Variants in VARS2 observed in about 807,000 individuals in gnomAD.
VARS2 encodes the protein valine--tRNA ligase, mitochondrial.
VARS2 carries 105 observed loss-of-function variants against 154.1 expected under a neutral mutation model. The observed-to-expected ratio is 0.68, with a 90% CI of 0.58 to 0.80. VARS2 has a LOEUF of 0.80. Among genes scored for constraint, VARS2 ranks in the 30% least tolerant of loss-of-function variants. The pLI, the probability that VARS2 is intolerant of heterozygous loss-of-function variation, is 0.00. For synonymous variants in VARS2, 483 were observed against 539.5 expected (o/e 0.90, Z 1.45); for missense variants, 1,157 against 1,361.4 (o/e 0.85, Z 2.36).
Position 30,919,670 on chromosome 6 carries a change from C to CT in VARS2, c.1075-86dup. On this transcript the variant is annotated intron_variant, in intron 11 of 29. Coordinates refer to ENST00000676266, the MANE Select transcript of VARS2 (RefSeq NM_020442.6). The surrounding 1 kb of genome is among the most constrained non-coding windows in gnomAD (Gnocchi z 4.5). ...TAGCTTGCTACCTTCCACTTTCTAC[C>CT]TTCTTATTCCTGGGGTTCTCACGCC... 9.5e-7 allele frequency: 1 copy of CT among 1,052,368 alleles called. No individual in the cohort carries two copies. Among genetic ancestry groups the CT allele is most frequent in the Non-Finnish European group, 1.3e-6 (1 of 765,230 alleles). The allele number at this position is 1,052,368 out of a possible 1,614,324, so 65.2% of individuals were successfully genotyped here.
Position 30,925,557 on chromosome 6 carries a change from C to T in VARS2, c.2799C>T (p.Ser933=). ...TKARPRVLLQ[S]SEPGDQGLFE... is the part of the protein sequence containing the mutation. The stretch of plus-strand genomic sequence containing the variant: ...CTTTCTTTCCAGTGCTGCTGCAGAG[C>T]TCAGAGCCTGGGGACCAGGGCCTCT... Residue 933 remains serine (S), a synonymous_variant, in exon 28 of 30, where the codon AGC becomes AGT. Transcript: ENST00000676266. 6.3e-7 allele frequency: 1 copy of T among 1,594,136 alleles called. No homozygotes were observed. Among genetic ancestry groups the T allele is most frequent in the Non-Finnish European group, 8.5e-7 (1 of 1,173,262 alleles).
chr6:30,921,998 G>A lies in VARS2; in HGVS notation c.1806+3G>A. The A allele has an allele frequency of 6.2e-7, 1 of 1,612,950 alleles. No homozygotes were observed. The highest frequency in any genetic ancestry group is 1.6e-4 in the Middle Eastern group (1 of 6,062). On this transcript the variant is annotated splice_donor_region_variant and intron_variant, in intron 19 of 29. Coordinates refer to ENST00000676266, the MANE Select transcript of VARS2 (RefSeq NM_020442.6). This position sits in a 1 kb window ranked among gnomAD's most constrained non-coding sequence, Gnocchi z 4.6. ...CTGCCCTGGGCTGGCCCCAAGAGGTGAGGTGGGTTGAGAGGGCGAAAGTGA... is the reference window on the plus strand; with the variant it reads ...CTGCCCTGGGCTGGCCCCAAGAGGTAAGGTGGGTTGAGAGGGCGAAAGTGA...
chr6:30,917,307 G>A lies in VARS2; in HGVS notation c.873+83G>A. ...TTAAGAGCTCAGACTCTGGAGCCAG[G>A]GTGCCTGGATTCAAATCTGATGCCT... On this transcript the variant is annotated intron_variant, in intron 9 of 29. Transcript: ENST00000676266. The surrounding 1 kb of genome is among the most constrained non-coding windows in gnomAD (Gnocchi z 4.4). 1 of 1,605,096 alleles carries A rather than the reference G, an allele frequency of 6.2e-7. No individual in the cohort carries two copies. Among genetic ancestry groups the A allele is most frequent in the Admixed American group, 1.7e-5 (1 of 59,936 alleles).
At chr6:30,923,771 G>A (rs374584909) in intron 25 of VARS2, 2 of 531,826 alleles carry the variant, frequency 3.8e-6, no homozygotes, top group Admixed American at 3.4e-5. Flanking sequence ...AGAAGGCAGA[G>A]GGGAATTTTT....
rs1208344221 is a variant in VARS2, at chr6:30,920,748, A to G, written c.1478A>G (p.Lys493Arg). The change falls in exon 15 of 30, where the codon AAG (lysine) becomes AGG (arginine). Residue 493 changes from lysine to arginine, a missense_variant and splice_region_variant. Transcript: ENST00000676266. This position sits in a 1 kb window ranked among gnomAD's most constrained non-coding sequence, Gnocchi z 4.6. ...CAGGAAATGGGGGCCCGAGCTGCCA[A>G]GGTGAGGCTGCAGTGTAGGAAGGAC... ...RCQEMGARAA[K>R]AVESGALELS... 7 of 1,589,566 alleles carry G rather than the reference A, an allele frequency of 4.4e-6. No homozygotes were observed. The highest frequency in any genetic ancestry group is 1.1e-5 in the South Asian group (1 of 87,082).
chr6:30,922,639 G>A, intron 21 of VARS2, 67 bp from the exon 22 acceptor site: 1 of 1,574,308 alleles, frequency 6.4e-7, no homozygotes, highest in Non-Finnish European at 8.6e-7. Context: ...AGTGAGGCCA[G>A]CAGGTGTGAC....
chr6:30,918,320 C>A (rs142282930), intron 10 of VARS2, among the ~76,000 whole-genome samples: 2,982 of 152,342 alleles, frequency 0.02, 28 homozygotes, highest in African/African-American at 0.032. Context: ...CCCGCCTTGG[C>A]CTCCCAAAGT....
At chr6:30,914,397 G>T in intron 1 of VARS2, 53 bp downstream of exon 1, 1 of 1,258,716 alleles carries the variant, frequency 7.9e-7, no homozygotes, top group Non-Finnish European at 1.0e-6. Flanking sequence ...GCGGGTCCTG[G>T]GCCCAGGCCT....
rs9281078 is a variant in VARS2 at position 30,920,003 on chromosome 6, C to CTGGGGCGGTGCAGGTGA, written c.1166-83_1166-67dup. On this transcript the variant is annotated intron_variant, in intron 12 of 29. Coordinates refer to ENST00000676266, the MANE Select transcript of VARS2 (RefSeq NM_020442.6). This position sits in a 1 kb window ranked among gnomAD's most constrained non-coding sequence, Gnocchi z 4.6. The stretch of plus-strand genomic sequence containing the variant: ...GCACAGACAGAGAAAGTCGCAGGGG[C>CTGGGGCGGTGCAGGTGA]TGGGGCGGTGCAGGTGATGATGATA... 775,411 of 1,452,154 alleles carry CTGGGGCGGTGCAGGTGA rather than the reference C, an allele frequency of 0.53. 214,410 individuals carry two copies. Among genetic ancestry groups the CTGGGGCGGTGCAGGTGA allele is most frequent in the East Asian group, 0.81 (33,410 of 41,468 alleles). The allele number at this position is 1,452,154 out of a possible 1,614,324, so 90.0% of individuals were successfully genotyped here. A position where few individuals can be genotyped will look rare whatever the true frequency, so the allele number is the denominator to read the frequency against.
At position 30,922,339 on chromosome 6, in the gene VARS2, T is replaced by C. The variant is rs576918400; in HGVS notation, c.1932+98T>C. 4.8e-5 allele frequency: 76 copies of C among 1,595,828 alleles called. No individual in the cohort carries two copies. The African/African-American group carries it at 1.0e-3, about 21-fold the overall frequency. ...CCTAATGTGGTCCTTTCCACGTTGC[T>C]GATTCCTTTTTCCTAATTCACTTCC... On this transcript the variant is annotated intron_variant, in intron 20 of 29. Coordinates refer to ENST00000676266, the MANE Select transcript of VARS2 (RefSeq NM_020442.6).
rs1224347908 is a variant in VARS2 at position 30,919,632 on chromosome 6, G to T, written c.1075-126G>T. On this transcript the variant is annotated intron_variant, in intron 11 of 29. Transcript: ENST00000676266. The surrounding 1 kb of genome is among the most constrained non-coding windows in gnomAD (Gnocchi z 4.5). ...CTACATTCTGGCCCCTTAAGAGTTT[G>T]CTGACCTTGCTCTAGCTTGCTACCT... 6.0e-6 allele frequency: 4 copies of T among 665,988 alleles called. No individual in the cohort carries two copies. The East Asian group carries it at 1.2e-4, about 19-fold the overall frequency. 41.3% of individuals were successfully genotyped at this position (665,988 alleles called of 1,614,324 possible).
intron 4 of VARS2, 39 bp from the exon 5 acceptor site, chr6:30,915,707 A>G (rs1257293704): frequency 6.2e-7 from 1 of 1,608,750 alleles, no homozygotes; most frequent in Non-Finnish European, 8.5e-7. Flanking sequence ...TCCCCAATCC[A>G]ATTCTCTCTT....
At position 30,923,393 on chromosome 6, in the gene VARS2, G is replaced by A. The variant is rs779735316; in HGVS notation, c.2354G>A (p.Arg785His). Reference protein sequence around the residue: ...SSPMDAWILSRLALAAQECER... With the variant: ...SSPMDAWILSHLALAAQECER... Reference sequence around the variant, plus strand: ...CCGATGGATGCCTGGATCCTGAGCCGCCTTGCCCTGGCTGCCCAGGAGTGT... The same window carrying A: ...CCGATGGATGCCTGGATCCTGAGCCACCTTGCCCTGGCTGCCCAGGAGTGT... The change falls in exon 25 of 30, where the codon CGC (arginine) becomes CAC (histidine). Residue 785 changes from arginine to histidine, a missense_variant. Transcript: ENST00000676266. The A allele has an allele frequency of 1.2e-5, 20 of 1,611,984 alleles. No homozygotes were observed. Among genetic ancestry groups the A allele is most frequent in the East Asian group, 4.5e-5 (2 of 44,884 alleles).
Position 30,916,474 on chromosome 6 carries a change from G to GTGTGTT in VARS2, c.671+228_671+229insGTTTGT, listed in dbSNP as rs1794181176. ...TATTCGTGTGTGTGTGTGTGTGTGT[G>GTGTGTT]TGTATTTATATATATATATATATTT... On this transcript the variant is annotated intron_variant, in intron 7 of 29. Transcript: ENST00000676266. The surrounding 1 kb of genome is among the most constrained non-coding windows in gnomAD (Gnocchi z 4.0). The GTGTGTT allele has an allele frequency of 2.8e-6, 1 of 360,994 alleles. No homozygotes were observed. The highest frequency in any genetic ancestry group is 1.1e-4 in the South Asian group (1 of 9,306). 22.4% of individuals were successfully genotyped at this position (360,994 alleles called of 1,614,324 possible).
In VARS2 at chr6:30,919,454, G is replaced by C. The variant is rs948378607; in HGVS notation, c.1075-304G>C. 6 of 270,874 alleles carry C rather than the reference G, an allele frequency of 2.2e-5. No homozygotes were observed. Among genetic ancestry groups the C allele is most frequent in the Admixed American group, 5.0e-5 (1 of 20,160 alleles). The allele number at this position is 270,874 out of a possible 1,614,324, so 16.8% of individuals were successfully genotyped here. On this transcript the variant is annotated intron_variant, in intron 11 of 29. Transcript: ENST00000676266. This position sits in a 1 kb window ranked among gnomAD's most constrained non-coding sequence, Gnocchi z 4.5. ...CCCACCTCGGCCTCCCAAAGTGCTGGGATTACAGGCGTGAGCCGCCGCGCC... is the reference window on the plus strand; with the variant it reads ...CCCACCTCGGCCTCCCAAAGTGCTGCGATTACAGGCGTGAGCCGCCGCGCC...
At chr6:30,925,435 G>A in intron 27 of VARS2, 50 bp downstream of exon 27, 1 of 1,581,424 alleles carries the variant, frequency 6.3e-7, no homozygotes, top group African/African-American at 1.3e-5. Flanking sequence ...AAAGGGGGCT[G>A]GTGGGGAAAA....
At chr6:30,918,798 G>C in intron 10 of VARS2, 29 bp from the exon 11 acceptor site, 8 of 1,603,596 alleles carry the variant, frequency 5.0e-6, no homozygotes, top group Non-Finnish European at 6.8e-6. Flanking sequence ...ATGATGACCA[G>C]CTGTAAGTGT....
In VARS2 at chr6:30,919,865, G is replaced by A. The variant is rs1185401669; in HGVS notation, c.1165+17G>A. The A allele has an allele frequency of 6.5e-7, 1 of 1,544,452 alleles. No homozygotes were observed. Among genetic ancestry groups the A allele is most frequent in the Admixed American group, 2.0e-5 (1 of 50,046 alleles). On this transcript the variant is annotated intron_variant, in intron 12 of 29. Coordinates refer to ENST00000676266, the MANE Select transcript of VARS2 (RefSeq NM_020442.6). This position sits in a 1 kb window ranked among gnomAD's most constrained non-coding sequence, Gnocchi z 4.5. ...TGGGCACGGGTGAGTGGAAGTCAGGGGAGGGAGAGAAAGTTGGGGGTCCTG... is the reference window on the plus strand; with the variant it reads ...TGGGCACGGGTGAGTGGAAGTCAGGAGAGGGAGAGAAAGTTGGGGGTCCTG...
rs546690497 is a variant in VARS2 at position 30,922,446 on chromosome 6, C to T, written c.1933-4C>T. On this transcript the variant is annotated splice_region_variant and splice_polypyrimidine_tract_variant and intron_variant, in intron 20 of 29. Coordinates refer to ENST00000676266, the MANE Select transcript of VARS2 (RefSeq NM_020442.6). ...CCCCTCTGTTGACCCCTCCCTGCCCCCAGGTGCTTCTTCATCCCATGGTTC... is the reference window on the plus strand; with the variant it reads ...CCCCTCTGTTGACCCCTCCCTGCCCTCAGGTGCTTCTTCATCCCATGGTTC... The T allele has an allele frequency of 2.8e-5, 45 of 1,607,198 alleles. 1 individual carries two copies. In the East Asian group the frequency reaches 9.4e-4, roughly 33 times the overall value.
Sources: gnomAD v4.1 joint callset for allele counts (sites outside exome capture counted in the v4.1 genomes callset) on GRCh38, gnomAD v4.1.1 for gene constraint, Gnocchi (gnomAD v3.1) non-coding constraint, MANE v1.5 for transcripts, NCBI Gene and HGNC (gene_info 2026-07-23, HGNC 2026-07-21) for gene names.